Variants in PTGIS observed in about 807,000 individuals in gnomAD.
The protein encoded by PTGIS is prostacyclin synthase.
A neutral mutation model predicts 50.3 loss-of-function variants in PTGIS; 45 were observed. The ratio of observed to expected loss-of-function variants is 0.90; its 90% CI spans 0.70 to 1.15. The LOEUF is 1.15. Among genes scored for constraint, PTGIS ranks in the 50% most tolerant of loss-of-function variants. The probability of loss-of-function intolerance (pLI) is 0.00; values close to 1 mark genes in which losing one functional copy is unlikely to be tolerated. For missense variants in PTGIS, 668 were observed against 661.3 expected, an observed-to-expected ratio of 1.01 and a Z score of -0.11; for synonymous variants, 260 against 267.7, an observed-to-expected ratio of 0.97 and a Z score of 0.28.
chr20:49,527,320 G>T (rs959451751), intron 5 of PTGIS, among the ~76,000 whole-genome samples: 2 of 151,704 alleles, frequency 1.3e-5, no homozygotes, highest in East Asian at 3.9e-4. Flanking sequence ...AGCCAGGCAT[G>T]GTGGTGTGTA....
At chr20:49,557,836 C>T (rs1444350245) in intron 1 of PTGIS, among the ~76,000 whole-genome samples, 1 of 152,164 alleles carries the variant, frequency 6.6e-6, no homozygotes, top group African/African-American at 2.4e-5. Flanking sequence ...TTGACTATCG[C>T]CCTACCCGTT....
intron 1 of PTGIS, among the ~76,000 whole-genome samples, chr20:49,550,960 T>C (rs113405821): frequency 6.6e-6 from 1 of 152,138 alleles, no homozygotes; most frequent in African/African-American, 2.4e-5. Flanking sequence ...TCCCAGCACT[T>C]TGGGAGGCCA....
At chr20:49,557,913 G>C (rs570022) in intron 1 of PTGIS, among the ~76,000 whole-genome samples, 132,918 of 152,048 alleles carry the variant, frequency 0.87, 58,364 homozygotes, top group African/African-American at 0.95. Flanking sequence ...CCTTTCCCCC[G>C]CTTTAAGTAT....
intron 2 of PTGIS, among the ~76,000 whole-genome samples, chr20:49,548,938 T>A (rs1568683118): frequency 6.6e-6 from 1 of 152,072 alleles, no homozygotes; most frequent in East Asian, 1.9e-4. Context: ...AGATACTGGG[T>A]AAAGTGAAGG....
chr20:49,534,555 C>T (rs1247512786), intron 5 of PTGIS, among the ~76,000 whole-genome samples: 3 of 152,178 alleles, frequency 2.0e-5, no homozygotes, highest in African/African-American at 4.8e-5. Context: ...AATGGAGAAA[C>T]CCAATTTTTC....
chr20:49,565,711 C>T (rs1370127067), intron 1 of PTGIS, among the ~76,000 whole-genome samples: 1 of 152,104 alleles, frequency 6.6e-6, no homozygotes, highest in African/African-American at 2.4e-5. Context: ...TTAATCCAGA[C>T]AGACCTTGAG....
At chr20:49,563,363 C>T (rs941596615) in intron 1 of PTGIS, among the ~76,000 whole-genome samples, 3 of 152,206 alleles carry the variant, frequency 2.0e-5, no homozygotes, top group Non-Finnish European at 2.9e-5. Flanking sequence ...ATAAAAAGCA[C>T]GTGGCCTTGC....
chr20:49,528,614 ACT>A (rs1294728834), intron 5 of PTGIS, among the ~76,000 whole-genome samples: 1 of 152,020 alleles, frequency 6.6e-6, no homozygotes, highest in Non-Finnish European at 1.5e-5. Flanking sequence ...AGCAAGCAAG[ACT>A]CTGTCTCAAA....
chr20:49,566,666 ACTCT>A (rs1982907490), intron 1 of PTGIS, among the ~76,000 whole-genome samples: 1 of 152,170 alleles, frequency 6.6e-6, no homozygotes, highest in Admixed American at 6.5e-5. Flanking sequence ...ATGTAAACTA[ACTCT>A]CTCTTACGTG....
Position 49,531,547 on chromosome 20 carries a change from A to G in PTGIS, c.674-7308T>C, listed in dbSNP as rs541936861. Among the ~76,000 whole-genome samples, 33 of 152,366 alleles carry G rather than the reference A, an allele frequency of 2.2e-4. 1 individual carries two copies. Among genetic ancestry groups the G allele is most frequent in the Admixed American group, 1.6e-3 (24 of 15,302 alleles). The stretch of plus-strand genomic sequence containing the variant: ...ATTTAGGTTGCCCCAAAAATCAAAA[A>G]AAGACAAAATTTTAAAAATCTTCCC... On this transcript the variant is annotated intron_variant, in intron 5 of 9. Transcript: ENST00000244043.
intron 6 of PTGIS, among the ~76,000 whole-genome samples, chr20:49,517,975 G>A (rs746153925): frequency 6.6e-6 from 1 of 152,202 alleles, no homozygotes; most frequent in Non-Finnish European, 1.5e-5. Context: ...CGTGGGCTGG[G>A]CCAGTGAGTA....
At chr20:49,545,358 T>G (rs1231038796) in intron 3 of PTGIS, among the ~76,000 whole-genome samples, 1 of 151,372 alleles carries the variant, frequency 6.6e-6, no homozygotes, top group Non-Finnish European at 1.5e-5. Context: ...AGTTTGAAGC[T>G]GCAGTGAGCT....
At chr20:49,562,677 G>A (rs977924814) in intron 1 of PTGIS, among the ~76,000 whole-genome samples, 3 of 152,218 alleles carry the variant, frequency 2.0e-5, no homozygotes, top group African/African-American at 4.8e-5. Context: ...TGCCCACCCT[G>A]GGTCAGATCC....
chr20:49,505,617 G>C lies in PTGIS; in HGVS notation c.*2303C>G, dbSNP rs1012546055. On this transcript the variant is annotated 3_prime_UTR_variant, in exon 10 of 10. Transcript: ENST00000244043. Reference sequence around the variant, plus strand: ...CCAGCACACCAGGGTTGCAGCCTGCGCAAGACCTTCCATAGCTATTTCTGC... The same window carrying C: ...CCAGCACACCAGGGTTGCAGCCTGCCCAAGACCTTCCATAGCTATTTCTGC... The C allele has an allele frequency of 7.9e-5, 12 of 152,668 alleles. No individual in the cohort carries two copies. Among genetic ancestry groups the C allele is most frequent in the Admixed American group, 6.5e-4 (10 of 15,280 alleles). 9.5% of individuals were successfully genotyped at this position (152,668 alleles called of 1,614,324 possible).
rs538187709 is a variant in PTGIS at position 49,535,935 on chromosome 20, T to G, written c.673+3635A>C. Among the ~76,000 whole-genome samples, 231 of 152,276 alleles carry G rather than the reference T, an allele frequency of 1.5e-3. 1 individual carries two copies. Among genetic ancestry groups the G allele is most frequent in the Non-Finnish European group, 2.7e-3 (185 of 68,054 alleles). On this transcript the variant is annotated intron_variant, in intron 5 of 9. Coordinates refer to ENST00000244043, the MANE Select transcript of PTGIS (RefSeq NM_000961.4). Reference sequence around the variant, plus strand: ...TCTCCAGGTACAATATCAGATCATCTGCAAATAGGAATAGTTTTACTTCTT... The same window carrying G: ...TCTCCAGGTACAATATCAGATCATCGGCAAATAGGAATAGTTTTACTTCTT...
At chr20:49,541,330 C>A (rs529952538) in intron 4 of PTGIS, among the ~76,000 whole-genome samples, 1 of 152,174 alleles carries the variant, frequency 6.6e-6, no homozygotes. Flanking sequence ...CTGCAGTTGA[C>A]ACTGGTCATC....
chr20:49,511,101 TC>T lies in PTGIS; in HGVS notation c.1284del (p.Asn429IlefsTer38). On this transcript the variant is annotated frameshift_variant, in exon 9 of 10. Transcript: ENST00000244043. LOFTEE classifies it high-confidence loss of function. ...KDFYKDGKRL[K>X]NYNMPWGAGH... ...CCCGCCCCCCAGGGCATGTTGTAAT[TC>T]TTCAGCCGTTTCCCATCCTTGTAAA... is the stretch of plus-strand genomic sequence containing the variant. 1 of 1,614,212 alleles carries T rather than the reference TC, an allele frequency of 6.2e-7. No individual in the cohort carries two copies. The highest frequency in any genetic ancestry group is 8.5e-7 in the Non-Finnish European group (1 of 1,180,042).
intron 5 of PTGIS, among the ~76,000 whole-genome samples, chr20:49,533,019 C>A (rs1981974451): frequency 6.6e-6 from 1 of 152,194 alleles, no homozygotes; most frequent in Admixed American, 6.5e-5. Flanking sequence ...TGGCAGCCCA[C>A]CAATTTAAAC....
chr20:49,526,978 C>A (rs573963774), intron 5 of PTGIS, among the ~76,000 whole-genome samples: 7 of 152,206 alleles, frequency 4.6e-5, no homozygotes, highest in Middle Eastern at 3.4e-3. Flanking sequence ...AGGTATATAG[C>A]CCAAAGAACT....
Sources: allele counts gnomAD v4.1 joint callset (sites outside exome capture counted in the v4.1 genomes callset), GRCh38; gene constraint gnomAD v4.1.1; transcripts MANE v1.5; gene names NCBI Gene and HGNC (gene_info 2026-07-23, HGNC 2026-07-21).